The following CNTN4 variants were observed in gnomAD, a reference collection of about 807,000 sequenced individuals.
CNTN4 encodes the protein contactin 4, also known as contactin-4.
A neutral mutation model predicts 122.5 loss-of-function variants in CNTN4; 77 were observed. The ratio of observed to expected loss-of-function variants is 0.63; its 90% confidence interval spans 0.52 to 0.76. CNTN4 has a LOEUF of 0.76. Ranked by LOEUF, CNTN4 falls within the 30% of genes least tolerant of loss-of-function variation. The probability of loss-of-function intolerance (pLI) is 0.00; values close to 1 mark genes in which losing one functional copy is unlikely to be tolerated. For synonymous variants in CNTN4, 512 were observed against 447.0 expected (o/e 1.15, Z -1.83); for missense variants, 1,256 against 1,259.1 (o/e 1.00, Z 0.04).
At chr3:2,343,092 A>G (rs2044267272) in intron 3 of CNTN4, among the ~76,000 whole-genome samples, 1 of 152,242 alleles carries the variant, frequency 6.6e-6, no homozygotes, top group African/African-American at 2.4e-5. Flanking sequence ...CATCTCAATA[A>G]AGTAATAAGG....
intron 3 of CNTN4, among the ~76,000 whole-genome samples, chr3:2,477,508 C>T (rs919593895): frequency 1.3e-5 from 2 of 152,110 alleles, no homozygotes; most frequent in South Asian, 4.2e-4. Flanking sequence ...AGAACTGAGT[C>T]TTAGTGAGCC....
At chr3:2,467,316 C>G (rs111531405) in intron 3 of CNTN4, among the ~76,000 whole-genome samples, 2,136 of 152,202 alleles carry the variant, frequency 0.014, 61 homozygotes, top group African/African-American at 0.049. Context: ...TTTGGCCTCT[C>G]AGTGCAAGGA....
intron 2 of CNTN4, among the ~76,000 whole-genome samples, chr3:2,266,074 G>T (rs757094439): frequency 6.6e-6 from 1 of 151,824 alleles, no homozygotes; most frequent in African/African-American, 2.4e-5. Context: ...TTTCCTAACA[G>T]CTCTGACTAG....
intron 6 of CNTN4, among the ~76,000 whole-genome samples, chr3:2,809,988 G>A (rs1169744727): frequency 1.3e-5 from 2 of 152,134 alleles, no homozygotes; most frequent in Admixed American, 6.6e-5. Flanking sequence ...GCCAAGCAAC[G>A]TTTATTTTCT....
intron 3 of CNTN4, among the ~76,000 whole-genome samples, chr3:2,469,785 GA>G (rs1455466400): frequency 6.6e-6 from 1 of 152,082 alleles, no homozygotes; most frequent in African/African-American, 2.4e-5. Flanking sequence ...TCTAATGTTT[GA>G]ATTTCTGACA....
At chr3:2,161,665 A>G (rs1050182456) in intron 2 of CNTN4, among the ~76,000 whole-genome samples, 4 of 152,224 alleles carry the variant, frequency 2.6e-5, no homozygotes, top group Non-Finnish European at 5.9e-5. Context: ...CTGGAAAAAG[A>G]CCGATTGAAA....
At chr3:2,607,357 A>G (rs534218801) in intron 4 of CNTN4, among the ~76,000 whole-genome samples, 27 of 152,304 alleles carry the variant, frequency 1.8e-4, no homozygotes, top group African/African-American at 6.5e-4. Flanking sequence ...CCAAGGCATC[A>G]TTTGTAATAG....
Position 3,038,919 on chromosome 3 carries a change from G to C in CNTN4, c.2093-14G>C. 6.2e-7 allele frequency: 1 copy of C among 1,613,182 alleles called. No homozygotes were observed. Among genetic ancestry groups the C allele is most frequent in the Non-Finnish European group, 8.5e-7 (1 of 1,179,516 alleles). ...TGCCGCCTGACATAACTTGTTTTTTGTCTCCTTGTGCAGTCCCCGAAGTCA... is the reference window on the plus strand; with the variant it reads ...TGCCGCCTGACATAACTTGTTTTTTCTCTCCTTGTGCAGTCCCCGAAGTCA... On this transcript the variant is annotated splice_polypyrimidine_tract_variant and intron_variant, in intron 18 of 24. Transcript: ENST00000418658.
intron 4 of CNTN4, among the ~76,000 whole-genome samples, chr3:2,717,672 C>G (rs1470362679): frequency 3.3e-5 from 5 of 152,126 alleles, no homozygotes; most frequent in Non-Finnish European, 7.4e-5. Context: ...AAGTATATAC[C>G]TAGGGATGAA....
chr3:2,733,996 A>G (rs2149477757), intron 4 of CNTN4, among the ~76,000 whole-genome samples: 1 of 152,256 alleles, frequency 6.6e-6, no homozygotes, highest in South Asian at 2.1e-4. Flanking sequence ...TGCAAATTAA[A>G]TGTGTAGGTA....
intron 4 of CNTN4, among the ~76,000 whole-genome samples, chr3:2,604,363 A>G (rs1245681040): frequency 1.3e-5 from 2 of 152,192 alleles, no homozygotes; most frequent in African/African-American, 4.8e-5. Context: ...TTCAACAAAT[A>G]ATTTTCAGCT....
intron 13 of CNTN4, among the ~76,000 whole-genome samples, chr3:2,960,809 C>G (rs1383825329): frequency 1.3e-5 from 2 of 152,132 alleles, no homozygotes; most frequent in African/African-American, 2.4e-5. Context: ...TTGACTTGGC[C>G]AGACTGCTTG....
chr3:2,566,003 A>G (rs2079143575), intron 3 of CNTN4, among the ~76,000 whole-genome samples: 2 of 152,236 alleles, frequency 1.3e-5, no homozygotes, highest in African/African-American at 2.4e-5. Context: ...CAGTTATGCT[A>G]TCACAAAAGA....
intron 2 of CNTN4, among the ~76,000 whole-genome samples, chr3:2,307,442 A>T (rs1385706558): frequency 6.6e-6 from 1 of 152,148 alleles, no homozygotes; most frequent in Non-Finnish European, 1.5e-5. Flanking sequence ...CTCAAAAAAA[A>T]AAAAAAAAAT....
At chr3:2,344,879 G>T (rs2044343276) in intron 3 of CNTN4, among the ~76,000 whole-genome samples, 2 of 152,274 alleles carry the variant, frequency 1.3e-5, no homozygotes, top group South Asian at 4.1e-4. Flanking sequence ...CTGTTCCAGG[G>T]TTGGCTTTTC....
intron 13 of CNTN4, among the ~76,000 whole-genome samples, chr3:2,976,808 A>C (rs1285647734): frequency 5.9e-5 from 9 of 152,204 alleles, no homozygotes; most frequent in African/African-American, 2.2e-4. Context: ...GCTAAAAGTT[A>C]AAATACCTTT....
At chr3:3,013,251 A>T (rs1697410100) in intron 14 of CNTN4, among the ~76,000 whole-genome samples, 1 of 152,146 alleles carries the variant, frequency 6.6e-6, no homozygotes, top group Non-Finnish European at 1.5e-5. Context: ...ACGTCGAATG[A>T]CTTGCTGGTG....
chr3:2,819,609 T>C, intron 7 of CNTN4, 28 bp downstream of exon 7: 1 of 1,445,248 alleles, frequency 6.9e-7, no homozygotes. Flanking sequence ...GACATATGCA[T>C]GCTTCACTCT....
chr3:2,959,876 T>C (rs912031398), intron 13 of CNTN4, among the ~76,000 whole-genome samples: 5 of 152,198 alleles, frequency 3.3e-5, no homozygotes, highest in African/African-American at 7.2e-5. Flanking sequence ...TCTAGTTCTA[T>C]TTAATGTTGG....
Sources: allele counts gnomAD v4.1 joint callset (sites outside exome capture counted in the v4.1 genomes callset), GRCh38; gene constraint gnomAD v4.1.1; transcripts MANE v1.5; gene names NCBI Gene and HGNC (gene_info 2026-07-23, HGNC 2026-07-21).